ARHGAP6: variants seen among roughly 807,000 people sequenced by gnomAD.
The protein encoded by ARHGAP6 is Rho GTPase activating protein 6, also known as rho GTPase-activating protein 6.
A neutral mutation model predicts 55.7 loss-of-function variants in ARHGAP6; 16 were observed. The ratio of observed to expected loss-of-function variants is 0.29; its 90% CI spans 0.19 to 0.44. The LOEUF (loss-of-function observed/expected upper bound fraction) is 0.44, where lower values mean the gene tolerates loss of function less well. ARHGAP6 is among the 20% of genes least tolerant of loss of function. The pLI, the probability that ARHGAP6 is intolerant of heterozygous loss-of-function variation, is 1.00. For synonymous variants in ARHGAP6, 382 were observed against 360.9 expected (o/e 1.06, Z -0.66); for missense variants, 698 against 808.9 (o/e 0.86, Z 1.66).
intron 1 of ARHGAP6, among the ~76,000 whole-genome samples, chrX:11,399,780 A>G (rs1265722820): frequency 1.8e-5 from 2 of 112,181 alleles, no homozygotes; most frequent in African/African-American, 6.5e-5. Flanking sequence ...ACTTGCACAT[A>G]AATGTTCACA....
chrX:11,363,960 C>A (rs2049043761), intron 1 of ARHGAP6, among the ~76,000 whole-genome samples: 1 of 111,987 alleles, frequency 8.9e-6, no homozygotes, highest in Admixed American at 9.5e-5. Context: ...CCTAAATGCA[C>A]ATCAACAGTA....
intron 2 of ARHGAP6, among the ~76,000 whole-genome samples, chrX:11,230,848 CCT>C (rs2047122507): frequency 9.0e-6 from 1 of 110,721 alleles, no homozygotes; most frequent in African/African-American, 3.3e-5. Flanking sequence ...TCATTTACCC[CCT>C]GTTCTGCCAC....
chrX:11,189,126 A>G (rs1297292820), intron 3 of ARHGAP6, 142 bp from the exon 4 acceptor site: 1 of 727,348 alleles, frequency 1.4e-6, no homozygotes, highest in African/African-American at 2.2e-5. Flanking sequence ...AAAAGGTGAC[A>G]TTTGTGTTAA....
chrX:11,573,523 C>T (rs1172350659), intron 1 of ARHGAP6, among the ~76,000 whole-genome samples: 18 of 109,134 alleles, frequency 1.6e-4, no homozygotes, highest in Admixed American at 2.9e-4. Flanking sequence ...TCTGAGGGCT[C>T]TGTTCTGTTC....
rs180988913 is a variant in ARHGAP6 at position 11,498,562 on chromosome X, G to A, written c.588+165679C>T. 6.3e-5 allele frequency among the ~76,000 whole-genome samples: 7 copies of A among 111,148 alleles called. No homozygotes were observed. The East Asian group carries it at 2.0e-3, about 31-fold the overall frequency. Reference sequence around the variant, plus strand: ...GCCCACTATGTGCTCAGTCCAGTGGGGGTGTCAGAGTAGGAAAACCTGTCT... The same window carrying A: ...GCCCACTATGTGCTCAGTCCAGTGGAGGTGTCAGAGTAGGAAAACCTGTCT... On this transcript the variant is annotated intron_variant, in intron 1 of 12. Transcript: ENST00000337414.
Position 11,531,597 on chromosome X carries a change from C to CTT in ARHGAP6, c.588+132642_588+132643dup, listed in dbSNP as rs11382998. 7.2e-4 allele frequency among the ~76,000 whole-genome samples: 74 copies of CTT among 102,817 alleles called. 3 individuals are homozygous for CTT. In the East Asian group the frequency reaches 0.011, roughly 15 times the overall value. The allele number at this position is 102,817 out of a possible 115,157, so 89.3% of individuals were successfully genotyped here. A position where few individuals can be genotyped will look rare whatever the true frequency, so the allele number is the denominator to read the frequency against. On this transcript the variant is annotated intron_variant, in intron 1 of 12. Coordinates refer to ENST00000337414, the MANE Select transcript of ARHGAP6 (RefSeq NM_013427.3). ...CAACCTAGATTAATGACAGGGGGTTCTTTTTTTTTTTGGCTGTAAGATTTA... is the reference window on the plus strand; with the variant it reads ...CAACCTAGATTAATGACAGGGGGTTCTTTTTTTTTTTTTGGCTGTAAGATTTA...
chrX:11,425,676 C>T (rs936360267), intron 1 of ARHGAP6, among the ~76,000 whole-genome samples: 2 of 112,455 alleles, frequency 1.8e-5, no homozygotes, highest in African/African-American at 6.5e-5. Context: ...ACATTAGCAT[C>T]GGCTTGACTC....
rs2052220893 is a variant in ARHGAP6, at chrX:11,620,910, T to C, written c.588+43331A>G. Among the ~76,000 whole-genome samples the C allele has an allele frequency of 2.7e-5, 3 of 111,884 alleles. No homozygotes were observed. The Admixed American group carries it at 2.8e-4, about 11-fold the overall frequency. On this transcript the variant is annotated intron_variant, in intron 1 of 12. Coordinates refer to ENST00000337414, the MANE Select transcript of ARHGAP6 (RefSeq NM_013427.3). Reference sequence around the variant, plus strand: ...CAGTGCCCTACTGAGAAAACCTGGTTTATATGAAGTTAAAACCTAAAAACC... The same window carrying C: ...CAGTGCCCTACTGAGAAAACCTGGTCTATATGAAGTTAAAACCTAAAAACC...
Position 11,664,914 on chromosome X carries a change from C to A in ARHGAP6, c.-86G>T, listed in dbSNP as rs1313692904. 1.6e-5 allele frequency: 15 copies of A among 952,915 alleles called. No individual in the cohort carries two copies. The highest frequency in any genetic ancestry group is 2.1e-5 in the Non-Finnish European group (15 of 709,587). The allele number at this position is 952,915 out of a possible 1,213,427, so 78.5% of individuals were successfully genotyped here. On this transcript the variant is annotated 5_prime_UTR_variant, in exon 1 of 13. Transcript: ENST00000337414. The stretch of plus-strand genomic sequence containing the variant: ...GGTCGGGAACCGAAAGGGACTCAGG[C>A]AAAGGTGCCAGGCGGGGCTGGCCCG...
intron 1 of ARHGAP6, among the ~76,000 whole-genome samples, chrX:11,326,356 G>C (rs190581505): frequency 2.7e-5 from 3 of 111,126 alleles, no homozygotes; most frequent in Admixed American, 9.5e-5. Context: ...TTGAACTCCC[G>C]ATCTCAGGTG....
intron 1 of ARHGAP6, among the ~76,000 whole-genome samples, chrX:11,473,121 A>T (rs1273174152): frequency 9.0e-6 from 1 of 111,279 alleles, no homozygotes; most frequent in Non-Finnish European, 1.9e-5. Flanking sequence ...AAAGCTGAAC[A>T]TTCTGTTTCT....
chrX:11,479,772 T>TTAATCAAGA (rs1195066567), intron 1 of ARHGAP6, among the ~76,000 whole-genome samples: 17 of 112,146 alleles, frequency 1.5e-4, no homozygotes, highest in African/African-American at 5.5e-4. Context: ...TTGGCCCCAC[T>TTAATCAAGA]GCTCTTAATC....
chrX:11,259,329 T>G (rs2047529470), intron 1 of ARHGAP6, among the ~76,000 whole-genome samples: 1 of 112,326 alleles, frequency 8.9e-6, no homozygotes, highest in Admixed American at 9.4e-5. Context: ...CTCATTCTTT[T>G]TTATGGCTGA....
At chrX:11,566,233 T>C (rs771306474) in intron 1 of ARHGAP6, among the ~76,000 whole-genome samples, 2 of 112,258 alleles carry the variant, frequency 1.8e-5, no homozygotes, top group South Asian at 7.4e-4. Context: ...GAGAAAGCAC[T>C]GGGAAAATGC....
chrX:11,268,412 C>A (rs1026606533), intron 1 of ARHGAP6, among the ~76,000 whole-genome samples: 4 of 111,947 alleles, frequency 3.6e-5, no homozygotes, highest in African/African-American at 1.3e-4. Flanking sequence ...GTGCTAAGCA[C>A]TTCATGTGTG....
chrX:11,331,334 C>T (rs1454594320), intron 1 of ARHGAP6, among the ~76,000 whole-genome samples: 1 of 111,697 alleles, frequency 9.0e-6, no homozygotes, highest in Non-Finnish European at 1.9e-5. Context: ...CCTTTCTGTC[C>T]AATCACATTT....
At chrX:11,296,066 A>G (rs2048079335) in intron 1 of ARHGAP6, among the ~76,000 whole-genome samples, 2 of 112,173 alleles carry the variant, frequency 1.8e-5, no homozygotes, top group Admixed American at 1.9e-4. Context: ...CCGTTGGCAG[A>G]ATAATAAAAA....
At chrX:11,358,761 C>T (rs748754710) in intron 1 of ARHGAP6, among the ~76,000 whole-genome samples, 147 of 111,549 alleles carry the variant, frequency 1.3e-3, no homozygotes, top group African/African-American at 4.6e-3. Flanking sequence ...GGATTACAGG[C>T]GTGAGCCACC....
chrX:11,646,059 A>G (rs2052523387), intron 1 of ARHGAP6, among the ~76,000 whole-genome samples: 1 of 111,691 alleles, frequency 9.0e-6, no homozygotes, highest in Non-Finnish European at 1.9e-5. Context: ...GAAACTAACA[A>G]TCATGGTGGA....
Sources: allele counts gnomAD v4.1 joint callset (sites outside exome capture counted in the v4.1 genomes callset), GRCh38; gene constraint gnomAD v4.1.1; transcripts MANE v1.5; gene names NCBI Gene and HGNC (gene_info 2026-07-23, HGNC 2026-07-21).